Variants in CD84 observed in about 807,000 individuals in gnomAD.
CD84 encodes the protein SLAM family member 5.
A neutral mutation model predicts 33.8 loss-of-function variants in CD84; 22 were observed. The ratio of observed to expected loss-of-function variants is 0.65; its 90% CI spans 0.46 to 0.93. CD84 has a LOEUF of 0.93. Ranked by LOEUF, CD84 falls within the 40% of genes least tolerant of loss-of-function variation. The pLI, the probability that CD84 is intolerant of heterozygous loss-of-function variation, is 0.00. For synonymous variants in CD84, 154 were observed against 145.2 expected, an observed-to-expected ratio of 1.06 and a Z score of -0.44; for missense variants, 400 against 397.6, an observed-to-expected ratio of 1.01 and a Z score of -0.05.
At position 160,545,973 on chromosome 1, in the gene CD84, T is replaced by A. The variant is rs1228552388; in HGVS notation, c.*2283A>T. 6.7e-6 allele frequency: 1 copy of A among 149,634 alleles called. No individual in the cohort carries two copies. The highest frequency in any genetic ancestry group is 1.5e-5 in the Non-Finnish European group (1 of 67,840). The allele number at this position is 149,634 out of a possible 1,614,324, so 9.3% of individuals were successfully genotyped here. On this transcript the variant is annotated 3_prime_UTR_variant, in exon 7 of 7. Coordinates refer to ENST00000368054, the MANE Select transcript of CD84 (RefSeq NM_003874.4). ...TGCTTGCCAGAATTTGATTGCACCA[T>A]GCTTATTGGCTTCTATCTTTTTTTT... is the stretch of plus-strand genomic sequence containing the variant.
At position 160,565,549 on chromosome 1, in the gene CD84, A is replaced by G; in HGVS notation, c.243T>C (p.Tyr81=). The G allele has an allele frequency of 6.2e-7, 1 of 1,614,044 alleles. No homozygotes were observed. The highest frequency in any genetic ancestry group is 8.5e-7 in the Non-Finnish European group (1 of 1,179,926). Residue 81 remains tyrosine, a synonymous_variant, in exon 2 of 7, where the codon TAT becomes TAC. Transcript: ENST00000368054. ...GACCTAAGGCATGTATCCGTTCATA[A>G]TAATTTCTGTGGGTCACAGTAACTA... The part of the protein sequence containing the change: ...APVVTVTHRN[Y]YERIHALGPN...
Position 160,543,631 on chromosome 1 carries a change from T to TATTATTATG in CD84, c.*4624_*4625insCATAATAAT, listed in dbSNP as rs5778166. ...TTATTATTATTATTATTATTATTAT[T>TATTATTATG]TAGGTATATCCCCTGTTCTCTCAGT... On this transcript the variant is annotated 3_prime_UTR_variant, in exon 7 of 7. Transcript: ENST00000368054. The TATTATTATG allele has an allele frequency of 6.7e-6, 1 of 148,768 alleles. No individual in the cohort carries two copies. The highest frequency in any genetic ancestry group is 1.5e-5 in the Non-Finnish European group (1 of 67,322). 9.2% of individuals were successfully genotyped at this position (148,768 alleles called of 1,614,324 possible). A position where few individuals can be genotyped will look rare whatever the true frequency, so the allele number is the denominator to read the frequency against.
At chr1:160,572,037 T>C (rs1367127162) in intron 1 of CD84, among the ~76,000 whole-genome samples, 1 of 152,092 alleles carries the variant, frequency 6.6e-6, no homozygotes, top group Non-Finnish European at 1.5e-5. Flanking sequence ...CAAAGGTATT[T>C]TGAGATGTTA....
At chr1:160,573,609 T>A (rs1228540562) in intron 1 of CD84, among the ~76,000 whole-genome samples, 2 of 152,176 alleles carry the variant, frequency 1.3e-5, no homozygotes, top group Non-Finnish European at 2.9e-5. Flanking sequence ...TCTCCCAACA[T>A]CATCTCATTA....
intron 1 of CD84, among the ~76,000 whole-genome samples, chr1:160,576,825 G>A (rs1209481527): frequency 6.6e-6 from 1 of 152,170 alleles, no homozygotes; most frequent in Non-Finnish European, 1.5e-5. Flanking sequence ...AGACTACTTA[G>A]AGTAATGCTG....
intron 1 of CD84, among the ~76,000 whole-genome samples, chr1:160,576,156 T>C (rs1657981321): frequency 6.6e-6 from 1 of 152,116 alleles, no homozygotes; most frequent in Non-Finnish European, 1.5e-5. Flanking sequence ...GGTTGTTTTG[T>C]CAGCATACTT....
intron 2 of CD84, 42 bp from the exon 3 acceptor site, chr1:160,554,188 G>T: frequency 6.6e-7 from 1 of 1,524,594 alleles, no homozygotes; most frequent in South Asian, 1.4e-5. Flanking sequence ...GCTGGAGCTG[G>T]CTTGTACTAG....
chr1:160,566,806 C>A (rs1657356983), intron 1 of CD84, among the ~76,000 whole-genome samples: 1 of 152,152 alleles, frequency 6.6e-6, no homozygotes, highest in Non-Finnish European at 1.5e-5. Context: ...AGGATGAATA[C>A]TTTTAAAATG....
chr1:160,551,139 G>C (rs374232657), intron 4 of CD84, 104 bp from the exon 5 acceptor site: 1 of 842,162 alleles, frequency 1.2e-6, no homozygotes, highest in Non-Finnish European at 2.0e-6. Flanking sequence ...GAAGCCCCCA[G>C]GGATTAAATG....
intron 6 of CD84, 94 bp from the exon 7 acceptor site, chr1:160,548,415 A>G: frequency 7.8e-7 from 1 of 1,274,946 alleles, no homozygotes; most frequent in Non-Finnish European, 1.1e-6. Flanking sequence ...AGCAAATGGC[A>G]CGGGGGAATG....
At chr1:160,561,017 A>AAAAACAAAAC (rs201874578) in intron 2 of CD84, among the ~76,000 whole-genome samples, 2 of 152,066 alleles carry the variant, frequency 1.3e-5, no homozygotes, top group African/African-American at 4.8e-5. Flanking sequence ...CCTACCAACC[A>AAAAACAAAAC]AAAACAAAAC....
In CD84 at chr1:160,542,793, C is replaced by T. The variant is rs1655609301; in HGVS notation, c.*5463G>A. The T allele has an allele frequency of 6.6e-6, 1 of 152,176 alleles. No homozygotes were observed. The highest frequency in any genetic ancestry group is 1.5e-5 in the Non-Finnish European group (1 of 68,046). The allele number at this position is 152,176 out of a possible 1,614,324, so 9.4% of individuals were successfully genotyped here. The stretch of plus-strand genomic sequence containing the variant: ...TAGTCATTACTTTCCTCCCTCAAGT[C>T]AGAATTCAGGACTTTTTTAATGGTC... On this transcript the variant is annotated 3_prime_UTR_variant, in exon 7 of 7. Coordinates refer to ENST00000368054, the MANE Select transcript of CD84 (RefSeq NM_003874.4).
rs1316063465 is a variant in CD84 at position 160,551,032 on chromosome 1, G to A, written c.764C>T (p.Ala255Val). The A allele has an allele frequency of 6.2e-7, 1 of 1,611,172 alleles. No individual in the cohort carries two copies. The highest frequency in any genetic ancestry group is 2.2e-5 in the East Asian group (1 of 44,874). Residue 255 changes from alanine (A) to valine (V), a missense_variant, in exon 5 of 7, where the codon GCT becomes GTT. By Grantham distance (64) the Ala-to-Val change is moderately conservative. Transcript: ENST00000368054. ...TGTGTATATGGTTTTCTTTGAGGCA[G>A]CATCTGTCTCACAAATAAATATAGA... ...LFRLFKRRQDAASKKTIYTYI... is the reference protein window; with the variant it reads ...LFRLFKRRQDVASKKTIYTYI...
In CD84 at chr1:160,548,311, G is replaced by T. The variant is rs1277430707; in HGVS notation, c.932C>A (p.Ala311Asp). ...EVQFADKMGKASTQDSKPPGT... is the reference protein window; with the variant it reads ...EVQFADKMGKDSTQDSKPPGT... ...AGGAGGTTTACTGTCCTGTGTGCTG[G>T]CTTTCCCCATCTGTGCAGGAGAGAA... Residue 311 changes from alanine to aspartate, a missense_variant, in exon 7 of 7, where the codon GCC becomes GAC. Transcript: ENST00000368054. The T allele has an allele frequency of 6.2e-7, 1 of 1,614,166 alleles. No individual in the cohort carries two copies. The highest frequency in any genetic ancestry group is 8.5e-7 in the Non-Finnish European group (1 of 1,180,016).
intron 1 of CD84, among the ~76,000 whole-genome samples, chr1:160,570,455 C>A (rs923337758): frequency 2.6e-5 from 4 of 152,256 alleles, no homozygotes; most frequent in African/African-American, 4.8e-5. Context: ...CATAGAGCCA[C>A]CCAGAGTAAA....
In CD84 at chr1:160,548,211, G is replaced by C; in HGVS notation, c.*45C>G. ...TGGATCCAGGGAACCTGCCAGTATT[G>C]GTGGTTGTAACTCAGTTTCCAGAGG... is the stretch of plus-strand genomic sequence containing the variant. On this transcript the variant is annotated 3_prime_UTR_variant, in exon 7 of 7. Transcript: ENST00000368054. 6.3e-7 allele frequency: 1 copy of C among 1,596,148 alleles called. No homozygotes were observed. Among genetic ancestry groups the C allele is most frequent in the South Asian group, 1.1e-5 (1 of 90,610 alleles).
intron 4 of CD84, 96 bp from the exon 5 acceptor site, chr1:160,551,131 A>T: frequency 1.1e-6 from 1 of 918,562 alleles, no homozygotes; most frequent in Non-Finnish European, 1.8e-6. Flanking sequence ...GAAGAAAGGA[A>T]GCCCCCAGGG....
chr1:160,552,649 G>A lies in CD84; in HGVS notation c.760+729C>T, dbSNP rs1656310060. The A allele has an allele frequency of 3.2e-6, 4 of 1,250,854 alleles. No homozygotes were observed. The African/African-American group carries it at 6.0e-5, about 19-fold the overall frequency. The allele number at this position is 1,250,854 out of a possible 1,614,324, so 77.5% of individuals were successfully genotyped here. A position where few individuals can be genotyped will look rare whatever the true frequency, so the allele number is the denominator to read the frequency against. The stretch of plus-strand genomic sequence containing the variant: ...GTGCTTAGTCTTAACCACTCTGTTG[G>A]GAACTCCCCATCCCTCCCAATTGTT... On this transcript the variant is annotated intron_variant, in intron 4 of 6. Transcript: ENST00000368054.
At chr1:160,575,768 A>G (rs926346504) in intron 1 of CD84, among the ~76,000 whole-genome samples, 3 of 152,166 alleles carry the variant, frequency 2.0e-5, no homozygotes, top group Admixed American at 6.5e-5. Context: ...TGATTTAGGA[A>G]TACTCCAGTA....
Sources: allele counts gnomAD v4.1 joint callset (sites outside exome capture counted in the v4.1 genomes callset), GRCh38; gene constraint gnomAD v4.1.1; transcripts MANE v1.5; gene names NCBI Gene and HGNC (gene_info 2026-07-23, HGNC 2026-07-21).